Variants in RASSF5 observed in about 807,000 individuals in gnomAD.
RASSF5 encodes the protein ras association domain-containing protein 5.
A neutral mutation model predicts 40.5 loss-of-function variants in RASSF5; 25 were observed. The observed-to-expected ratio is 0.62, with a 90% CI of 0.45 to 0.86. The LOEUF is 0.86. Ranked by LOEUF, RASSF5 falls within the 40% of genes least tolerant of loss-of-function variation. RASSF5 has a pLI of 0.00. For missense variants in RASSF5, 521 were observed against 572.8 expected (o/e 0.91, Z 0.92); for synonymous variants, 246 against 252.4 (o/e 0.97, Z 0.24).
At chr1:206,533,318 GC>G (rs1667289202) in intron 1 of RASSF5, among the ~76,000 whole-genome samples, 5 of 152,164 alleles carry the variant, frequency 3.3e-5, no homozygotes, top group Admixed American at 2.6e-4. Flanking sequence ...GTCCTGTCCT[GC>G]CGGCCCACTG....
rs146697160 is a variant in RASSF5 at position 206,589,335 on chromosome 1, G to A, written c.*2357G>A. The A allele has an allele frequency of 2.5e-3, 385 of 152,900 alleles. 2 individuals are homozygous for A. The highest frequency in any genetic ancestry group is 4.7e-3 in the Non-Finnish European group (320 of 68,038). The allele number at this position is 152,900 out of a possible 1,614,324, so 9.5% of individuals were successfully genotyped here. On this transcript the variant is annotated 3_prime_UTR_variant, in exon 6 of 6. Transcript: ENST00000579436. ...TCTTACGGACACTGGGAGCGGGGGA[G>A]AGAGGGTGAGAATGGACATGATCAC...
chr1:206,586,784 CCTATT>C, intron 5 of RASSF5, 37 bp from the exon 6 acceptor site: 1 of 1,525,736 alleles, frequency 6.6e-7, no homozygotes, highest in Non-Finnish European at 9.0e-7. Context: ...TAACCTGTCT[CCTATT>C]CTGTTTCTTC....
chr1:206,531,156 C>T lies in RASSF5; in HGVS notation c.458-7016C>T, dbSNP rs781841986. ...AGAGGTTAGGACACCGGCCTGGGGT[C>T]GGATCAGCACTCGCACTCTGGTCTC... On this transcript the variant is annotated intron_variant, in intron 1 of 5. Coordinates refer to ENST00000579436, the MANE Select transcript of RASSF5 (RefSeq NM_182663.4). This position sits in a 1 kb window ranked among gnomAD's most constrained non-coding sequence, Gnocchi z 4.7. Among the ~76,000 whole-genome samples the T allele has an allele frequency of 1.4e-4, 21 of 152,202 alleles. No individual in the cohort carries two copies. Among genetic ancestry groups the T allele is most frequent in the African/African-American group, 4.1e-4 (17 of 41,452 alleles).
chr1:206,508,127 C>T (rs1229240485), intron 1 of RASSF5, 68 bp downstream of exon 1: 19 of 1,218,650 alleles, frequency 1.6e-5, no homozygotes, highest in South Asian at 6.0e-5. Context: ...CTGGGAGGGC[C>T]CTGGGGCAGG....
rs1054674146 is a variant in RASSF5, at chr1:206,535,901, G to A, written c.458-2271G>A. ...GTGAGTTATGGCAGCTGTCATCACC[G>A]TGGAGCTGGGCGAGCTTTCAGTCCT... On this transcript the variant is annotated intron_variant, in intron 1 of 5. Transcript: ENST00000579436. This position sits in a 1 kb window ranked among gnomAD's most constrained non-coding sequence, Gnocchi z 5.0. Among the ~76,000 whole-genome samples the A allele has an allele frequency of 1.3e-5, 2 of 152,034 alleles. No individual in the cohort carries two copies. Among genetic ancestry groups the A allele is most frequent in the Admixed American group, 6.5e-5 (1 of 15,278 alleles).
Position 206,507,949 on chromosome 1 carries a change from C to A in RASSF5, c.347C>A (p.Pro116Gln). ...GAGCAGCCGCAGGATCCCAGAGTCCCGGCGGAGCGAGGCGAGGGGCACTGC... is the reference window on the plus strand; with the variant it reads ...GAGCAGCCGCAGGATCCCAGAGTCCAGGCGGAGCGAGGCGAGGGGCACTGC... ...IFEQPQDPRV[P>Q]AERGEGHCFA... Residue 116 changes from proline to glutamine, a missense_variant, in exon 1 of 6, where the codon CCG becomes CAG. Pro to Gln is a moderately conservative substitution (Grantham distance 76, BLOSUM62 -1). Coordinates refer to ENST00000579436, the MANE Select transcript of RASSF5 (RefSeq NM_182663.4). 6.5e-7 allele frequency: 1 copy of A among 1,527,240 alleles called. No individual in the cohort carries two copies. The highest frequency in any genetic ancestry group is 8.7e-7 in the Non-Finnish European group (1 of 1,144,784). The allele number at this position is 1,527,240 out of a possible 1,614,324, so 94.6% of individuals were successfully genotyped here. A position where few individuals can be genotyped will look rare whatever the true frequency, so the allele number is the denominator to read the frequency against.
At chr1:206,511,875 A>G (rs1460648154) in intron 1 of RASSF5, among the ~76,000 whole-genome samples, 5 of 151,928 alleles carry the variant, frequency 3.3e-5, no homozygotes, top group Non-Finnish European at 5.9e-5. Flanking sequence ...GATCCTGCAG[A>G]CCCATCCCCC....
At chr1:206,548,748 C>A (rs1667761014) in intron 2 of RASSF5, among the ~76,000 whole-genome samples, 1 of 152,146 alleles carries the variant, frequency 6.6e-6, no homozygotes, top group Non-Finnish European at 1.5e-5. Context: ...CAAATATTTT[C>A]ATACCCCCCC....
At chr1:206,551,367 C>G (rs1434487612) in intron 2 of RASSF5, among the ~76,000 whole-genome samples, 1 of 152,212 alleles carries the variant, frequency 6.6e-6, no homozygotes, top group African/African-American at 2.4e-5. Context: ...TCCCCCGCTC[C>G]CTCCACGTTA....
intron 1 of RASSF5, among the ~76,000 whole-genome samples, chr1:206,515,283 A>C (rs1666718093): frequency 6.6e-6 from 1 of 152,236 alleles, no homozygotes; most frequent in Admixed American, 6.5e-5. Context: ...AATTTTCAAC[A>C]ATCAGTTTCT....
At position 206,584,790 on chromosome 1, in the gene RASSF5, G is replaced by GGTGCTCAGGAGA; in HGVS notation, c.988+106_988+107insGTGCTCAGGAGA. Reference sequence around the variant, plus strand: ...TGGGTGGGAGCTGTGGGCTTCTCCTGAGCACCAGGGGTCCAGCTGCCCATG... The same window carrying GGTGCTCAGGAGA: ...TGGGTGGGAGCTGTGGGCTTCTCCTGGTGCTCAGGAGAAGCACCAGGGGTCCAGCTGCCCATG... On this transcript the variant is annotated intron_variant, in intron 4 of 5. Coordinates refer to ENST00000579436, the MANE Select transcript of RASSF5 (RefSeq NM_182663.4). The surrounding 1 kb of genome is among the most constrained non-coding windows in gnomAD (Gnocchi z 4.9). 8.2e-7 allele frequency: 1 copy of GGTGCTCAGGAGA among 1,216,438 alleles called. No individual in the cohort carries two copies. The highest frequency in any genetic ancestry group is 1.2e-6 in the Non-Finnish European group (1 of 857,938). The allele number at this position is 1,216,438 out of a possible 1,614,324, so 75.4% of individuals were successfully genotyped here. A position where few individuals can be genotyped will look rare whatever the true frequency, so the allele number is the denominator to read the frequency against.
At chr1:206,561,487 G>A (rs1668141029) in intron 2 of RASSF5, among the ~76,000 whole-genome samples, 1 of 151,980 alleles carries the variant, frequency 6.6e-6, no homozygotes, top group Non-Finnish European at 1.5e-5. Flanking sequence ...GGTAGTCCCT[G>A]TAATCTTACA....
At position 206,536,925 on chromosome 1, in the gene RASSF5, A is replaced by C. The variant is rs145693724; in HGVS notation, c.458-1247A>C. Among the ~76,000 whole-genome samples the C allele has an allele frequency of 2.9e-3, 445 of 152,242 alleles. 2 individuals carry two copies. The highest frequency in any genetic ancestry group is 4.1e-3 in the Admixed American group (62 of 15,300). ...AATAGGTGACTCCAGCTGACCTGGC[A>C]GCTATCTGTGAGGACCACACCTCAG... On this transcript the variant is annotated intron_variant, in intron 1 of 5. Coordinates refer to ENST00000579436, the MANE Select transcript of RASSF5 (RefSeq NM_182663.4).
chr1:206,508,114 G>T, intron 1 of RASSF5, 55 bp downstream of exon 1: 1 of 1,261,472 alleles, frequency 7.9e-7, no homozygotes, highest in South Asian at 2.0e-5. Flanking sequence ...TGGGGGCGAA[G>T]GACTGGGAGG....
chr1:206,548,538 TA>T (rs1667755354), intron 2 of RASSF5, among the ~76,000 whole-genome samples: 2 of 152,322 alleles, frequency 1.3e-5, no homozygotes, highest in South Asian at 4.1e-4. Context: ...GCCCCACCTC[TA>T]ACATGAGGGG....
Position 206,507,714 on chromosome 1 carries a change from C to G in RASSF5, c.112C>G (p.Pro38Ala), listed in dbSNP as rs1553393978. ...LSGPELPPPPPDRSSRLCVPA... is the reference protein window; with the variant it reads ...LSGPELPPPPADRSSRLCVPA... The stretch of plus-strand genomic sequence containing the variant: ...CGGCCCCGAGCTACCGCCGCCGCCC[C>G]CCGACCGGTCCTCGCGCCTCTGTGT... Residue 38 changes from proline (P) to alanine (A), a missense_variant, in exon 1 of 6, where the codon CCC becomes GCC. Transcript: ENST00000579436. 2.7e-6 allele frequency: 4 copies of G among 1,486,652 alleles called. No individual in the cohort carries two copies. Among genetic ancestry groups the G allele is most frequent in the Non-Finnish European group, 1.8e-6 (2 of 1,125,190 alleles). The allele number at this position is 1,486,652 out of a possible 1,614,324, so 92.1% of individuals were successfully genotyped here.
chr1:206,583,778 G>C (rs1553406889), intron 3 of RASSF5: 3 of 200,502 alleles, frequency 1.5e-5, no homozygotes, highest in Admixed American at 5.3e-5. Flanking sequence ...TCTCAGAGAG[G>C]GGAGGGCACC....
chr1:206,584,970 G>A lies in RASSF5; in HGVS notation c.989-210G>A, dbSNP rs182181409. ...CATTCCTAATCTTTCAGGAGATGAT[G>A]TGAATGGAATCATGCTTTAAACTCT... On this transcript the variant is annotated intron_variant, in intron 4 of 5. Transcript: ENST00000579436. This position sits in a 1 kb window ranked among gnomAD's most constrained non-coding sequence, Gnocchi z 4.9. The A allele has an allele frequency of 4.0e-5, 24 of 607,326 alleles. No homozygotes were observed. Among genetic ancestry groups the A allele is most frequent in the Non-Finnish European group, 6.7e-5 (23 of 342,610 alleles). The allele number at this position is 607,326 out of a possible 1,614,324, so 37.6% of individuals were successfully genotyped here. A position where few individuals can be genotyped will look rare whatever the true frequency, so the allele number is the denominator to read the frequency against.
intron 2 of RASSF5, among the ~76,000 whole-genome samples, chr1:206,562,830 G>T (rs1553402867): frequency 6.6e-6 from 1 of 152,038 alleles, no homozygotes; most frequent in Non-Finnish European, 1.5e-5. Context: ...GCTGAGGCAG[G>T]AGAATGGTGT....
Sources: allele counts gnomAD v4.1 joint callset (sites outside exome capture counted in the v4.1 genomes callset), GRCh38; gene constraint gnomAD v4.1.1; non-coding constraint Gnocchi (gnomAD v3.1); transcripts MANE v1.5; gene names NCBI Gene and HGNC (gene_info 2026-07-23, HGNC 2026-07-21).